The following ZRANB1 variants were observed in gnomAD, a reference collection of about 807,000 sequenced individuals.
ZRANB1 encodes the protein ubiquitin thioesterase ZRANB1.
ZRANB1 carries 16 observed loss-of-function variants against 80.5 expected under a neutral mutation model. The ratio of observed to expected loss-of-function variants is 0.20; its 90% CI spans 0.13 to 0.30. The LOEUF is 0.30. Among genes scored for constraint, ZRANB1 ranks in the 10% least tolerant of loss-of-function variants. The pLI, the probability that ZRANB1 is intolerant of heterozygous loss-of-function variation, is 1.00. For synonymous variants in ZRANB1, 291 were observed against 293.1 expected (o/e 0.99, Z 0.07); for missense variants, 576 against 862.6 (o/e 0.67, Z 4.16).
chr10:124,982,702 A>G (rs192624920), intron 6 of ZRANB1, among the ~76,000 whole-genome samples: 1 of 152,206 alleles, frequency 6.6e-6, no homozygotes, highest in Non-Finnish European at 1.5e-5. Context: ...ATCTCACACC[A>G]TGCATTGTAG....
At chr10:124,943,989 G>A (rs1951559171) in intron 1 of ZRANB1, among the ~76,000 whole-genome samples, 1 of 152,174 alleles carries the variant, frequency 6.6e-6, no homozygotes, top group African/African-American at 2.4e-5. Flanking sequence ...GTAAATGTTT[G>A]CAAACTTTAT....
At chr10:124,924,994 G>A in the ZRANB1 span, among the ~76,000 whole-genome samples, 1 of 150,930 alleles carries the variant, frequency 6.6e-6, no homozygotes, top group Non-Finnish European at 1.5e-5. Flanking sequence ...TGCAACCTCC[G>A]CCTCCCGGGT....
chr10:124,977,887 G>A (rs551130052), intron 5 of ZRANB1, among the ~76,000 whole-genome samples: 298 of 152,152 alleles, frequency 2.0e-3, no homozygotes, highest in Non-Finnish European at 3.4e-3. Context: ...ACTCTTAAAG[G>A]ATGCTTCAGG....
In ZRANB1 at chr10:124,981,754, C is replaced by T; in HGVS notation, c.1473C>T (p.Ser491=). The change falls in exon 6 of 9, where the codon AGC becomes AGT. Residue 491 remains serine, a synonymous_variant. Transcript: ENST00000359653. ...ATTGGGAATCATGGTATTCTCAGAG[C>T]TTTGGTTTACATTTTTCCTTGAGAG... is the stretch of plus-strand genomic sequence containing the variant. The part of the protein sequence containing the change: ...WKDWESWYSQ[S]FGLHFSLREE... The T allele has an allele frequency of 6.2e-7, 1 of 1,613,662 alleles. No homozygotes were observed. The highest frequency in any genetic ancestry group is 1.7e-5 in the Admixed American group (1 of 59,964).
At chr10:124,974,996 C>T (rs1951863599) in intron 5 of ZRANB1, among the ~76,000 whole-genome samples, 1 of 152,158 alleles carries the variant, frequency 6.6e-6, no homozygotes. Flanking sequence ...TGGAGTTTTG[C>T]CATCTTTCCC....
chr10:124,974,351 A>G lies in ZRANB1; in HGVS notation c.1380A>G (p.Ser460=). The G allele has an allele frequency of 1.2e-6, 2 of 1,614,278 alleles. No homozygotes were observed. Among genetic ancestry groups the G allele is most frequent in the Non-Finnish European group, 1.7e-6 (2 of 1,180,042 alleles). Residue 460 remains serine (S), a synonymous_variant, in exon 5 of 9, where the codon TCA becomes TCG. Coordinates refer to ENST00000359653, the MANE Select transcript of ZRANB1 (RefSeq NM_017580.3). ...QATWGIYDKD[S]VLRKALHDSL... ...CCTGGGGCATCTATGACAAGGACTCAGTGCTTCGGAAAGCCCTGCATGACA... is the reference window on the plus strand; with the variant it reads ...CCTGGGGCATCTATGACAAGGACTCGGTGCTTCGGAAAGCCCTGCATGACA...
At chr10:124,960,387 A>G (rs1006143777) in intron 1 of ZRANB1, among the ~76,000 whole-genome samples, 2 of 152,174 alleles carry the variant, frequency 1.3e-5, no homozygotes, top group Non-Finnish European at 2.9e-5. Flanking sequence ...ATAAAGTTAT[A>G]ATAAATTATG....
intron 1 of ZRANB1, among the ~76,000 whole-genome samples, chr10:124,947,510 C>T (rs2134249057): frequency 6.6e-6 from 1 of 152,312 alleles, no homozygotes; most frequent in South Asian, 2.1e-4. Flanking sequence ...TAGATAAGAA[C>T]ACCATATTAA....
intron 6 of ZRANB1, among the ~76,000 whole-genome samples, chr10:124,982,302 C>T (rs974811134): frequency 1.3e-5 from 2 of 152,108 alleles, no homozygotes; most frequent in African/African-American, 4.8e-5. Context: ...AACCAGTTGT[C>T]AATCTTCATA....
intron 1 of ZRANB1, among the ~76,000 whole-genome samples, chr10:124,961,163 G>A (rs913418755): frequency 3.3e-5 from 5 of 151,950 alleles, no homozygotes; most frequent in African/African-American, 1.2e-4. Context: ...CCCCACGCCC[G>A]GCTAATTTTT....
chr10:124,954,446 GTTTT>G (rs1227693538), intron 1 of ZRANB1, among the ~76,000 whole-genome samples: 2 of 123,636 alleles, frequency 1.6e-5, no homozygotes, highest in African/African-American at 6.0e-5. Context: ...TACATTAAAA[GTTTT>G]TTTTTTTTTT....
chr10:124,925,562 G>A, the ZRANB1 span, among the ~76,000 whole-genome samples: 1 of 151,992 alleles, frequency 6.6e-6, no homozygotes, highest in African/African-American at 2.4e-5. Flanking sequence ...CTTCTTTATG[G>A]TGTTCTTTGA....
the ZRANB1 span, among the ~76,000 whole-genome samples, chr10:124,925,807 C>T: frequency 1.3e-5 from 2 of 152,146 alleles, no homozygotes; most frequent in African/African-American, 4.8e-5. Context: ...TTTGTTGAAA[C>T]ACACTTAGTT....
the ZRANB1 span, among the ~76,000 whole-genome samples, chr10:124,935,805 C>T: frequency 6.6e-6 from 1 of 152,152 alleles, no homozygotes; most frequent in Non-Finnish European, 1.5e-5. Flanking sequence ...TTCCGTGCCA[C>T]TGGAATCTCT....
intron 5 of ZRANB1, among the ~76,000 whole-genome samples, chr10:124,974,617 A>AT (rs919428422): frequency 1.3e-4 from 20 of 152,174 alleles, no homozygotes; most frequent in Non-Finnish European, 2.6e-4. Flanking sequence ...GTTTTTATAC[A>AT]TTTTTTTGCT....
upstream of ZRANB1, chr10:124,940,614 A>G: frequency 9.5e-7 from 1 of 1,055,452 alleles, no homozygotes; most frequent in Non-Finnish European, 1.3e-6. Flanking sequence ...TTTTCTTCTT[A>G]GCAGAGTTCA....
the ZRANB1 span, among the ~76,000 whole-genome samples, chr10:124,931,012 A>C: frequency 6.6e-6 from 1 of 152,304 alleles, no homozygotes; most frequent in East Asian, 1.9e-4. Flanking sequence ...GCCACAGAGT[A>C]AGACCCTCTC....
At chr10:124,939,458 A>G (rs113397095), upstream of ZRANB1, among the ~76,000 whole-genome samples, 24 of 152,238 alleles carry the variant, frequency 1.6e-4, no homozygotes, top group African/African-American at 5.8e-4. Flanking sequence ...GGCATTTATG[A>G]CAGTGATTAT....
chr10:124,974,245 C>T lies in ZRANB1; in HGVS notation c.1274C>T (p.Ala425Val). 1 of 1,614,224 alleles carries T rather than the reference C, an allele frequency of 6.2e-7. No individual in the cohort carries two copies. Among genetic ancestry groups the T allele is most frequent in the Non-Finnish European group, 8.5e-7 (1 of 1,180,040 alleles). Residue 425 changes from alanine (A) to valine (V), a missense_variant, in exon 5 of 9, where the codon GCT becomes GTT. Physicochemically the swap from Ala to Val is moderately conservative, Grantham distance 64. Around this residue, in one of 3 missense-constraint regions of ZRANB1, gnomAD observed 411 missense variants for 583.1 expected, o/e 0.70. Coordinates refer to ENST00000359653, the MANE Select transcript of ZRANB1 (RefSeq NM_017580.3). The stretch of plus-strand genomic sequence containing the variant: ...ATTATTAACTGGTCCTTGGAATTGG[C>T]TACACGTTTGGACAGTCGACTGTAT... ...SPIINWSLEL[A>V]TRLDSRLYAL... is the part of the protein sequence containing the mutation.
Sources: allele counts gnomAD v4.1 joint callset (sites outside exome capture counted in the v4.1 genomes callset), GRCh38; gene constraint gnomAD v4.1.1; regional missense constraint gnomAD v4.1.1; transcripts MANE v1.5; gene names NCBI Gene and HGNC (gene_info 2026-07-23, HGNC 2026-07-21).